The following ITGA11 variants were observed in gnomAD, a reference collection of about 807,000 sequenced individuals.
ITGA11 encodes the protein integrin alpha-11.
Under a neutral mutation model 141.9 loss-of-function variants are expected in ITGA11, and 97 were observed. The observed-to-expected ratio is 0.68, with a 90% CI of 0.58 to 0.81. ITGA11 has a LOEUF of 0.81. Ranked by LOEUF, ITGA11 falls within the 30% of genes least tolerant of loss-of-function variation. ITGA11 has a pLI of 0.00. For missense variants in ITGA11, 1,387 were observed against 1,559.2 expected (o/e 0.89, Z 1.86); for synonymous variants, 658 against 624.6 (o/e 1.05, Z -0.80).
intron 10 of ITGA11, among the ~76,000 whole-genome samples, chr15:68,343,551 T>C (rs913091943): frequency 1.3e-5 from 2 of 152,158 alleles, no homozygotes; most frequent in Non-Finnish European, 2.9e-5. Flanking sequence ...CAGTAATTCT[T>C]CCTTCTAGCT....
At position 68,331,113 on chromosome 15, in the gene ITGA11, T is replaced by C. The variant is rs1894142514; in HGVS notation, c.1771-2A>G. 1.3e-6 allele frequency: 2 copies of C among 1,576,614 alleles called. No homozygotes were observed. The highest frequency in any genetic ancestry group is 1.8e-5 in the Admixed American group (1 of 55,404). On this transcript the variant is annotated splice_acceptor_variant, in intron 14 of 29. Coordinates refer to ENST00000315757, the MANE Select transcript of ITGA11 (RefSeq NM_001004439.2). LOFTEE classifies it high-confidence loss of function. ...AGCCAGCTCTGAGGCTGTGATTCTC[T>C]GCAGGGCGCGGGAAGAGAGGGGGAG...
chr15:68,314,320 G>A (rs1453057868), intron 22 of ITGA11, among the ~76,000 whole-genome samples: 2 of 152,154 alleles, frequency 1.3e-5, no homozygotes, highest in African/African-American at 4.8e-5. Flanking sequence ...GACTGACCGG[G>A]GGCAGCTCCT....
chr15:68,353,981 TC>T (rs1894992176), intron 7 of ITGA11, among the ~76,000 whole-genome samples: 1 of 151,964 alleles, frequency 6.6e-6, no homozygotes, highest in Admixed American at 6.6e-5. Flanking sequence ...AGCTGTTCCC[TC>T]CCAGCCATCT....
At chr15:68,330,895 A>C in intron 15 of ITGA11, 86 bp downstream of exon 15, 1 of 1,525,130 alleles carries the variant, frequency 6.6e-7, no homozygotes, top group Non-Finnish European at 9.0e-7. Flanking sequence ...ACAAGAGACA[A>C]AGATCCTGAA....
rs59413666 is a variant in ITGA11, at chr15:68,364,630, G to A, written c.357+77C>T. On this transcript the variant is annotated intron_variant, in intron 4 of 29. Transcript: ENST00000315757. ...GGGTGTACAGGATGGACATGAGGGT[G>A]TGTAAGGAGACGCTCCACCCCTCCC... The A allele has an allele frequency of 8.1e-3, 7,448 of 925,132 alleles. 380 individuals carry two copies. The African/African-American group carries it at 0.11, about 13-fold the overall frequency. 57.3% of individuals were successfully genotyped at this position (925,132 alleles called of 1,614,324 possible). A position where few individuals can be genotyped will look rare whatever the true frequency, so the allele number is the denominator to read the frequency against.
intron 26 of ITGA11, among the ~76,000 whole-genome samples, chr15:68,310,571 C>T (rs1383807996): frequency 6.6e-6 from 1 of 152,194 alleles, no homozygotes; most frequent in East Asian, 1.9e-4. Context: ...GGGCAGGAGG[C>T]CCCAGCTGAC....
chr15:68,338,706 G>A (rs1387777582), intron 11 of ITGA11, among the ~76,000 whole-genome samples: 2 of 152,252 alleles, frequency 1.3e-5, no homozygotes, highest in Non-Finnish European at 2.9e-5. Flanking sequence ...TCAGAAAGAT[G>A]GACGCATGGA....
intron 1 of ITGA11, among the ~76,000 whole-genome samples, chr15:68,411,304 TCAA>T (rs1896766025): frequency 6.6e-6 from 1 of 152,170 alleles, no homozygotes; most frequent in Non-Finnish European, 1.5e-5. Flanking sequence ...CAACAAATTA[TCAA>T]CAACGACAAC....
At chr15:68,361,957 C>G (rs751465890) in intron 4 of ITGA11, 2 of 412,396 alleles carry the variant, frequency 4.8e-6, no homozygotes, top group Non-Finnish European at 4.5e-6. Flanking sequence ...AGGCCCTGTT[C>G]TCCATCTCAT....
chr15:68,431,943 C>T (rs1381020650), intron 1 of ITGA11, 72 bp downstream of exon 1: 1 of 1,101,504 alleles, frequency 9.1e-7, no homozygotes, highest in Non-Finnish European at 1.2e-6. Flanking sequence ...CGATCCTGGC[C>T]GCTGGATCCA....
chr15:68,400,869 T>A (rs868556750), intron 2 of ITGA11, among the ~76,000 whole-genome samples: 3 of 77,716 alleles, frequency 3.9e-5, no homozygotes, highest in African/African-American at 5.0e-5. Context: ...AAATATAATA[T>A]TATATATTAT....
At chr15:68,408,511 G>A (rs537468996) in intron 1 of ITGA11, among the ~76,000 whole-genome samples, 1 of 152,236 alleles carries the variant, frequency 6.6e-6, no homozygotes, top group African/African-American at 2.4e-5. Flanking sequence ...GACAAGAAGA[G>A]AGATGGGTCC....
chr15:68,400,601 T>A (rs1381909540), intron 2 of ITGA11, among the ~76,000 whole-genome samples: 17 of 101,932 alleles, frequency 1.7e-4, no homozygotes, highest in Non-Finnish European at 3.1e-4. Flanking sequence ...ATATTATATA[T>A]TATAATATAT....
rs1315777827 is a variant in ITGA11 at position 68,305,590 on chromosome 15, C to G, written c.3382-1705G>C. Among the ~76,000 whole-genome samples the G allele has an allele frequency of 6.6e-6, 1 of 152,236 alleles. No homozygotes were observed. The highest frequency in any genetic ancestry group is 1.5e-5 in the Non-Finnish European group (1 of 68,046). On this transcript the variant is annotated intron_variant, in intron 28 of 29. Transcript: ENST00000315757. This position sits in a 1 kb window ranked among gnomAD's most constrained non-coding sequence, Gnocchi z 4.6. The stretch of plus-strand genomic sequence containing the variant: ...TGAATGGACCACCTGCAACAGCAGA[C>G]AGAGCCCTCCTTTGGCCACTGACTC...
At position 68,349,415 on chromosome 15, in the gene ITGA11, C is replaced by A. The variant is rs575415874; in HGVS notation, c.1061-515G>T. Among the ~76,000 whole-genome samples, 40 of 152,316 alleles carry A rather than the reference C, an allele frequency of 2.6e-4. No individual in the cohort carries two copies. In the South Asian group the frequency reaches 7.3e-3, roughly 28 times the overall value. On this transcript the variant is annotated intron_variant, in intron 9 of 29. Transcript: ENST00000315757. ...GAAATCCCATGAGTGCTGAAAGCCT[C>A]TCCCCACAGAGGGACTCCCTGAACA...
At position 68,303,622 on chromosome 15, in the gene ITGA11, G is replaced by T; in HGVS notation, c.3495+150C>A. 1.8e-6 allele frequency: 1 copy of T among 564,196 alleles called. No homozygotes were observed. The highest frequency in any genetic ancestry group is 3.2e-6 in the Non-Finnish European group (1 of 315,916). 34.9% of individuals were successfully genotyped at this position (564,196 alleles called of 1,614,324 possible). A position where few individuals can be genotyped will look rare whatever the true frequency, so the allele number is the denominator to read the frequency against. On this transcript the variant is annotated intron_variant, in intron 29 of 29. Transcript: ENST00000315757. This position sits in a 1 kb window ranked among gnomAD's most constrained non-coding sequence, Gnocchi z 5.3. Reference sequence around the variant, plus strand: ...AGCCATAGTCTGAGTGCCGTCTGTTGGCCCTAACCAGTGTGTCTGCTATGG... The same window carrying T: ...AGCCATAGTCTGAGTGCCGTCTGTTTGCCCTAACCAGTGTGTCTGCTATGG...
intron 9 of ITGA11, among the ~76,000 whole-genome samples, chr15:68,349,772 A>G (rs888416834): frequency 2.0e-5 from 3 of 152,296 alleles, no homozygotes; most frequent in Middle Eastern, 6.8e-3. Context: ...TCACAAGGAG[A>G]GAGGCAATCT....
intron 11 of ITGA11, among the ~76,000 whole-genome samples, chr15:68,339,198 A>G (rs1326728631): frequency 6.6e-6 from 1 of 152,234 alleles, no homozygotes; most frequent in Non-Finnish European, 1.5e-5. Context: ...TTAAGGCACA[A>G]CAACAGCTGA....
chr15:68,368,194 T>A (rs551569107), intron 3 of ITGA11, among the ~76,000 whole-genome samples: 1 of 152,064 alleles, frequency 6.6e-6, no homozygotes, highest in East Asian at 1.9e-4. Flanking sequence ...CCATCCCCCA[T>A]CTCCCAGGGA....
Sources: gnomAD v4.1 joint callset for allele counts (sites outside exome capture counted in the v4.1 genomes callset) on GRCh38, gnomAD v4.1.1 for gene constraint, Gnocchi (gnomAD v3.1) non-coding constraint, MANE v1.5 for transcripts, NCBI Gene and HGNC (gene_info 2026-07-23, HGNC 2026-07-21) for gene names.